Variants in BICD1 observed in about 807,000 individuals in gnomAD.
The protein encoded by BICD1 is protein bicaudal D homolog 1.
In BICD1, 35 loss-of-function variants were observed where a neutral mutation model predicts 92.5. The observed-to-expected ratio is 0.38, with a 90% CI of 0.29 to 0.50. The LOEUF is 0.50. BICD1 is among the 20% of genes least tolerant of loss of function. BICD1 has a pLI of 0.93. For missense variants in BICD1, 950 were observed against 1,189.8 expected (o/e 0.80, Z 2.97); for synonymous variants, 429 against 465.1 (o/e 0.92, Z 1.00).
intron 2 of BICD1, among the ~76,000 whole-genome samples, chr12:32,289,283 A>AT (rs1273496287): frequency 1.2e-4 from 18 of 152,194 alleles, no homozygotes; most frequent in Non-Finnish European, 1.9e-4. Flanking sequence ...GTATTTTATG[A>AT]TTTTTTGGGG....
At chr12:32,112,682 G>T (rs970996399) in intron 1 of BICD1, among the ~76,000 whole-genome samples, 1 of 152,162 alleles carries the variant, frequency 6.6e-6, no homozygotes, top group Non-Finnish European at 1.5e-5. Flanking sequence ...GAGAATGCAC[G>T]TAAAGTCAAG....
At chr12:32,157,403 A>C (rs1357873305) in intron 1 of BICD1, among the ~76,000 whole-genome samples, 1 of 152,208 alleles carries the variant, frequency 6.6e-6, no homozygotes, top group Non-Finnish European at 1.5e-5. Context: ...TGGTAGAGCA[A>C]ATGCAGGTGT....
chr12:32,113,819 C>G (rs1443202568), intron 1 of BICD1, among the ~76,000 whole-genome samples: 1 of 151,794 alleles, frequency 6.6e-6, no homozygotes, highest in East Asian at 1.9e-4. Flanking sequence ...AAGCGATTCT[C>G]CTGCCTCAGC....
chr12:32,340,457 C>A lies in BICD1; in HGVS notation c.2764+1478C>A, dbSNP rs963562473. ...CCTAACTCGGATAAAACCCACAAGTCTTCTTTTTAGTGTTCCAAATGGATT... is the reference window on the plus strand; with the variant it reads ...CCTAACTCGGATAAAACCCACAAGTATTCTTTTTAGTGTTCCAAATGGATT... On this transcript the variant is annotated intron_variant, in intron 8 of 9. Transcript: ENST00000652176. 12 of 985,228 alleles carry A rather than the reference C, an allele frequency of 1.2e-5. No homozygotes were observed. The African/African-American group carries it at 2.1e-4, about 17-fold the overall frequency. The allele number at this position is 985,228 out of a possible 1,614,324, so 61.0% of individuals were successfully genotyped here.
chr12:32,346,348 C>T (rs994571072), intron 8 of BICD1, among the ~76,000 whole-genome samples: 1 of 149,722 alleles, frequency 6.7e-6, no homozygotes, highest in Admixed American at 6.7e-5. Context: ...GAAACCCTGT[C>T]TCTACAAAAA....
chr12:32,302,071 A>G (rs1451335619), intron 3 of BICD1, among the ~76,000 whole-genome samples: 1 of 152,076 alleles, frequency 6.6e-6, no homozygotes, highest in Non-Finnish European at 1.5e-5. Context: ...TATTTTTAGT[A>G]GAGACGGGGT....
intron 1 of BICD1, among the ~76,000 whole-genome samples, chr12:32,211,837 G>C (rs1057168774): frequency 6.6e-6 from 1 of 152,168 alleles, no homozygotes; most frequent in African/African-American, 2.4e-5. Flanking sequence ...AGGCCACTGT[G>C]GGGAGAGGGA....
At chr12:32,203,138 C>T (rs1944954178) in intron 1 of BICD1, among the ~76,000 whole-genome samples, 1 of 152,180 alleles carries the variant, frequency 6.6e-6, no homozygotes, top group Admixed American at 6.5e-5. Context: ...ATTGATTATT[C>T]GTTCAGAAAA....
At chr12:32,343,224 G>A (rs12312730) in intron 8 of BICD1, among the ~76,000 whole-genome samples, 53,740 of 151,776 alleles carry the variant, frequency 0.35, 11,443 homozygotes, top group African/African-American at 0.6. Context: ...GTTTGTAATT[G>A]GACAGCAGAT....
chr12:32,290,794 A>T (rs1253611539), intron 2 of BICD1, among the ~76,000 whole-genome samples: 1 of 152,150 alleles, frequency 6.6e-6, no homozygotes, highest in East Asian at 1.9e-4. Flanking sequence ...TGACATCCTC[A>T]TGCTGTTCTT....
At chr12:32,177,717 A>G (rs1944141455) in intron 1 of BICD1, among the ~76,000 whole-genome samples, 1 of 137,522 alleles carries the variant, frequency 7.3e-6, no homozygotes, top group Non-Finnish European at 1.6e-5. Flanking sequence ...GAGTATAAAT[A>G]TATAAATATA....
chr12:32,107,353 C>T lies in BICD1; in HGVS notation c.22C>T (p.Gln8Ter). The change falls in exon 1 of 10, where the codon CAG (glutamine) becomes TAG (stop). Residue 8 changes from glutamine (Q) to a stop codon, truncating the protein, a stop_gained. Transcript: ENST00000652176. LOFTEE classifies it high-confidence loss of function. MAAEEVL[Q>*]TVDHYKTEIE... is the part of the protein sequence containing the mutation. The stretch of plus-strand genomic sequence containing the variant: ...GGCTATGGCCGCAGAAGAGGTATTG[C>T]AGACGGTGGACCATTATAAGACTGA... 6.2e-7 allele frequency: 1 copy of T among 1,606,882 alleles called. No homozygotes were observed. Among genetic ancestry groups the T allele is most frequent in the South Asian group, 1.1e-5 (1 of 89,246 alleles).
intron 1 of BICD1, among the ~76,000 whole-genome samples, chr12:32,194,230 C>A (rs1944659143): frequency 6.6e-6 from 1 of 152,132 alleles, no homozygotes; most frequent in African/African-American, 2.4e-5. Flanking sequence ...ATATGACAAG[C>A]TCACAACTAA....
At chr12:32,262,689 T>C (rs979422196) in intron 2 of BICD1, among the ~76,000 whole-genome samples, 1 of 152,134 alleles carries the variant, frequency 6.6e-6, no homozygotes, top group Non-Finnish European at 1.5e-5. Context: ...AAGGTGGCCA[T>C]GTGAAGACAG....
chr12:32,367,452 G>A, intron 8 of BICD1: 1 of 458,862 alleles, frequency 2.2e-6, no homozygotes, highest in Non-Finnish European at 3.9e-6. Flanking sequence ...TACTAATGCT[G>A]TGTCACTAAT....
intron 1 of BICD1, among the ~76,000 whole-genome samples, chr12:32,172,574 G>T (rs939175133): frequency 6.6e-6 from 1 of 152,198 alleles, no homozygotes; most frequent in Non-Finnish European, 1.5e-5. Flanking sequence ...AGCTTTAAGT[G>T]TTTTAAAGGA....
rs1946248433 is a variant in BICD1, at chr12:32,241,990, T to G, written c.426+25531T>G. Among the ~76,000 whole-genome samples the G allele has an allele frequency of 2.0e-5, 3 of 149,880 alleles. No individual in the cohort carries two copies. In the South Asian group the frequency reaches 6.3e-4, roughly 32 times the overall value. ...CAGGTGGATCACTTGAGCTCAGGAG[T>G]TCAAGACCAGCCTGGGCAACATGGT... On this transcript the variant is annotated intron_variant, in intron 2 of 9. Transcript: ENST00000652176.
intron 1 of BICD1, among the ~76,000 whole-genome samples, chr12:32,203,770 C>T (rs1017320671): frequency 5.9e-5 from 9 of 152,118 alleles, no homozygotes; most frequent in Admixed American, 2.6e-4. Flanking sequence ...TGCCAGCTCT[C>T]GGTCTCTTCT....
chr12:32,197,054 G>C (rs947742243), intron 1 of BICD1, among the ~76,000 whole-genome samples: 1 of 151,234 alleles, frequency 6.6e-6, no homozygotes, highest in African/African-American at 2.4e-5. Flanking sequence ...AGAGTCTCAG[G>C]CTAGAGTGCA....
Sources: gnomAD v4.1 joint callset for allele counts (sites outside exome capture counted in the v4.1 genomes callset) on GRCh38, gnomAD v4.1.1 for gene constraint, MANE v1.5 for transcripts, NCBI Gene and HGNC (gene_info 2026-07-23, HGNC 2026-07-21) for gene names.